Variants in TAFA1 observed in about 807,000 individuals in gnomAD.
TAFA1 encodes TAFA chemokine like family member 1, also known as chemokine-like protein TAFA-1.
TAFA1 carries 4 observed loss-of-function variants against 18.5 expected under a neutral mutation model. The observed-to-expected ratio is 0.22, with a 90% confidence interval of 0.11 to 0.49. TAFA1 has a LOEUF of 0.49. Ranked by LOEUF, TAFA1 falls within the 20% of genes least tolerant of loss-of-function variation. The pLI is 0.98. For missense variants in TAFA1, 147 were observed against 169.0 expected, an observed-to-expected ratio of 0.87 and a Z score of 0.72; for synonymous variants, 56 against 55.2, an observed-to-expected ratio of 1.01 and a Z score of -0.06.
At position 68,205,280 on chromosome 3, in the gene TAFA1, G is replaced by A. The variant is rs150747069; in HGVS notation, c.118+198536G>A. ...ATTGGAAATCATTACAAGCACTGAG[G>A]TCCTGGTTATGTTCATTTCAGAACC... On this transcript the variant is annotated intron_variant, in intron 2 of 4. Coordinates refer to ENST00000478136, the MANE Select transcript of TAFA1 (RefSeq NM_213609.4). 7.1e-3 allele frequency among the ~76,000 whole-genome samples: 1,079 copies of A among 151,928 alleles called. 16 individuals are homozygous for A. Among genetic ancestry groups the A allele is most frequent in the African/African-American group, 0.024 (1,009 of 41,480 alleles).
chr3:68,449,161 A>G (rs976579874), intron 3 of TAFA1, among the ~76,000 whole-genome samples: 1 of 152,214 alleles, frequency 6.6e-6, no homozygotes, highest in South Asian at 2.1e-4. Flanking sequence ...CACGGAAAAG[A>G]TGCAGGGAAG....
intron 2 of TAFA1, among the ~76,000 whole-genome samples, chr3:68,326,217 G>A (rs2068775290): frequency 6.6e-6 from 1 of 152,116 alleles, no homozygotes; most frequent in Admixed American, 6.5e-5. Context: ...GAAAATGCTG[G>A]ATTTCCTTTT....
intron 2 of TAFA1, among the ~76,000 whole-genome samples, chr3:68,407,790 A>T (rs909321544): frequency 6.6e-6 from 1 of 152,090 alleles, no homozygotes; most frequent in African/African-American, 2.4e-5. Context: ...TCCTGCCCAG[A>T]ATTTCTTCCT....
intron 2 of TAFA1, among the ~76,000 whole-genome samples, chr3:68,276,409 G>C (rs1045753276): frequency 5.3e-5 from 8 of 152,132 alleles, no homozygotes; most frequent in Non-Finnish European, 7.4e-5. Flanking sequence ...GACATTGCCA[G>C]ATGGCCCTAT....
At chr3:68,246,476 G>C (rs2067080085) in intron 2 of TAFA1, among the ~76,000 whole-genome samples, 1 of 151,352 alleles carries the variant, frequency 6.6e-6, no homozygotes, top group Non-Finnish European at 1.5e-5. Flanking sequence ...TGTAGTCCCA[G>C]CTACTCGGAA....
intron 2 of TAFA1, among the ~76,000 whole-genome samples, chr3:68,337,444 A>G (rs1290320269): frequency 1.3e-5 from 2 of 152,184 alleles, no homozygotes; most frequent in Admixed American, 6.5e-5. Flanking sequence ...TGGGGATTAC[A>G]ACTGGACATG....
At chr3:68,102,691 C>T (rs923937601) in intron 2 of TAFA1, among the ~76,000 whole-genome samples, 3 of 152,172 alleles carry the variant, frequency 2.0e-5, no homozygotes, top group African/African-American at 4.8e-5. Context: ...GTTATCTCTG[C>T]TTTTAACTTG....
intron 2 of TAFA1, among the ~76,000 whole-genome samples, chr3:68,101,186 C>A (rs956752462): frequency 6.6e-6 from 1 of 151,918 alleles, no homozygotes; most frequent in Non-Finnish European, 1.5e-5. Flanking sequence ...GATACAGACC[C>A]CTATTTTAGA....
At chr3:68,140,051 G>T (rs1270982129) in intron 2 of TAFA1, among the ~76,000 whole-genome samples, 1 of 152,134 alleles carries the variant, frequency 6.6e-6, no homozygotes, top group Non-Finnish European at 1.5e-5. Context: ...GCTTTCCTGT[G>T]GTTCGTTGTG....
At chr3:68,114,603 G>A (rs1182345699) in intron 2 of TAFA1, among the ~76,000 whole-genome samples, 1 of 152,122 alleles carries the variant, frequency 6.6e-6, no homozygotes, top group Non-Finnish European at 1.5e-5. Flanking sequence ...GAGCAACTTC[G>A]ATTTTACATG....
chr3:68,478,666 A>C (rs890091898), intron 3 of TAFA1, among the ~76,000 whole-genome samples: 4 of 152,164 alleles, frequency 2.6e-5, no homozygotes, highest in Non-Finnish European at 5.9e-5. Flanking sequence ...CTTCTGTTCC[A>C]CTTTGAAACA....
intron 2 of TAFA1, among the ~76,000 whole-genome samples, chr3:68,334,698 C>T (rs534066351): frequency 2.6e-5 from 4 of 152,154 alleles, no homozygotes; most frequent in African/African-American, 9.6e-5. Context: ...CCCTGAAATC[C>T]CAGCGTTTTG....
intron 3 of TAFA1, among the ~76,000 whole-genome samples, chr3:68,513,229 T>G (rs1207315932): frequency 6.6e-6 from 1 of 151,510 alleles, no homozygotes. Context: ...GTGGTGGGAG[T>G]GAAGGAGTAG....
At chr3:68,354,381 C>T (rs2069325868) in intron 2 of TAFA1, among the ~76,000 whole-genome samples, 1 of 151,904 alleles carries the variant, frequency 6.6e-6, no homozygotes. Flanking sequence ...CAGTGATAAG[C>T]TGGAGCTGAG....
chr3:68,457,814 T>G (rs2106913525), intron 3 of TAFA1, among the ~76,000 whole-genome samples: 1 of 152,326 alleles, frequency 6.6e-6, no homozygotes. Flanking sequence ...TCCTGGTAAC[T>G]ACCATTCTAC....
rs980538085 is a variant in TAFA1, at chr3:68,420,736, C to T, written c.259+3316C>T. On this transcript the variant is annotated intron_variant, in intron 3 of 4. Coordinates refer to ENST00000478136, the MANE Select transcript of TAFA1 (RefSeq NM_213609.4). ...CCTGCAATGCCCAGGACAACCCCTG[C>T]GCCCCCGAATCCCCACAACGAAGAA... 3.3e-5 allele frequency among the ~76,000 whole-genome samples: 5 copies of T among 152,038 alleles called. No individual in the cohort carries two copies. In the East Asian group the frequency reaches 5.8e-4, roughly 18 times the overall value.
chr3:68,320,739 G>T lies in TAFA1; in HGVS notation c.119-96541G>T, dbSNP rs368092380. Among the ~76,000 whole-genome samples, 33 of 152,252 alleles carry T rather than the reference G, an allele frequency of 2.2e-4. No individual in the cohort carries two copies. The South Asian group carries it at 6.8e-3, about 32-fold the overall frequency. ...TTCCTGATGAAAACCATGTTCCAAA[G>T]ATTCTTCTTATTCTCATCTCAAACT... On this transcript the variant is annotated intron_variant, in intron 2 of 4. Transcript: ENST00000478136.
chr3:68,251,991 A>G, intron 2 of TAFA1, among the ~76,000 whole-genome samples: 1 of 152,220 alleles, frequency 6.6e-6, no homozygotes, highest in Non-Finnish European at 1.5e-5. Flanking sequence ...TCAGTCATTT[A>G]TAATCACAGC....
chr3:68,526,150 C>A (rs1575951452), intron 3 of TAFA1, among the ~76,000 whole-genome samples: 1 of 152,184 alleles, frequency 6.6e-6, no homozygotes, highest in South Asian at 2.1e-4. Flanking sequence ...TTTGCATGCT[C>A]TGTAGTTTCT....
Sources: gnomAD v4.1 joint callset for allele counts (sites outside exome capture counted in the v4.1 genomes callset) on GRCh38, gnomAD v4.1.1 for gene constraint, MANE v1.5 for transcripts, NCBI Gene and HGNC (gene_info 2026-07-23, HGNC 2026-07-21) for gene names.